The following CFAP299 variants were observed in gnomAD, a reference collection of about 807,000 sequenced individuals.
CFAP299 encodes the protein cilia and flagella associated protein 299, also known as cilia- and flagella-associated protein 299.
In CFAP299, 21 loss-of-function variants were observed where a neutral mutation model predicts 27.0. The observed-to-expected ratio is 0.78, with a 90% CI of 0.55 to 1.12. The LOEUF (loss-of-function observed/expected upper bound fraction) is 1.12. Among genes scored for constraint, CFAP299 ranks in the 50% most tolerant of loss-of-function variants. The pLI is 0.00. For missense variants in CFAP299, 310 were observed against 276.6 expected, an observed-to-expected ratio of 1.12 and a Z score of -0.86; for synonymous variants, 104 against 98.1, an observed-to-expected ratio of 1.06 and a Z score of -0.36.
chr4:80,335,724 C>T (rs370354820), upstream of CFAP299: 7 of 1,168,612 alleles, frequency 6.0e-6, no homozygotes, highest in African/African-American at 6.0e-5. Flanking sequence ...CTGACCCTGC[C>T]CTCCTGCTTC....
chr4:80,526,112 A>G (rs1733161643), intron 2 of CFAP299, among the ~76,000 whole-genome samples: 1 of 152,156 alleles, frequency 6.6e-6, no homozygotes, highest in Non-Finnish European at 1.5e-5. Flanking sequence ...TTTAGCAGTT[A>G]TGTACCTCAC....
At chr4:80,510,563 T>G (rs1016230934) in intron 2 of CFAP299, among the ~76,000 whole-genome samples, 2 of 152,170 alleles carry the variant, frequency 1.3e-5, no homozygotes, top group African/African-American at 4.8e-5. Context: ...CAACACTGAC[T>G]GCTTTTCCAC....
intron 2 of CFAP299, among the ~76,000 whole-genome samples, chr4:80,409,280 C>T (rs1040125406): frequency 2.0e-4 from 31 of 151,858 alleles, no homozygotes; most frequent in African/African-American, 6.3e-4. Flanking sequence ...AGAAATGTAT[C>T]GCTAAATAAA....
chr4:80,912,851 G>C (rs1458613825), intron 4 of CFAP299, among the ~76,000 whole-genome samples: 1 of 152,164 alleles, frequency 6.6e-6, no homozygotes, highest in Non-Finnish European at 1.5e-5. Context: ...GAAGAACCCA[G>C]AGGCCTGAGT....
At chr4:80,720,158 G>A (rs538942304) in intron 3 of CFAP299, among the ~76,000 whole-genome samples, 62 of 152,124 alleles carry the variant, frequency 4.1e-4, no homozygotes, top group African/African-American at 1.3e-3. Flanking sequence ...AAGAGTGAAC[G>A]TCACAGACAA....
At chr4:80,885,699 T>A (rs762656751) in intron 4 of CFAP299, among the ~76,000 whole-genome samples, 1 of 152,156 alleles carries the variant, frequency 6.6e-6, no homozygotes, top group Non-Finnish European at 1.5e-5. Context: ...GTCCTTGGGC[T>A]GTGAATAACC....
intron 5 of CFAP299, among the ~76,000 whole-genome samples, chr4:80,952,350 T>C (rs1333211827): frequency 2.6e-5 from 4 of 152,144 alleles, no homozygotes; most frequent in Non-Finnish European, 5.9e-5. Flanking sequence ...ACTGAAAACA[T>C]ATGTAGAGCT....
chr4:80,533,725 C>T (rs757367748), intron 2 of CFAP299, among the ~76,000 whole-genome samples: 2 of 152,112 alleles, frequency 1.3e-5, no homozygotes, highest in Non-Finnish European at 2.9e-5. Flanking sequence ...ATCAATTTTA[C>T]ATCACTTAGT....
chr4:80,730,003 T>C (rs1485624228), intron 3 of CFAP299, among the ~76,000 whole-genome samples: 1 of 151,954 alleles, frequency 6.6e-6, no homozygotes, highest in East Asian at 1.9e-4. Context: ...AATTTAGAGG[T>C]GTCTCTCTAA....
In CFAP299 at chr4:80,842,373, A is replaced by G. The variant is rs575234551; in HGVS notation, c.334-27620A>G. 1.2e-3 allele frequency among the ~76,000 whole-genome samples: 182 copies of G among 152,234 alleles called. 1 individual carries two copies. Among genetic ancestry groups the G allele is most frequent in the African/African-American group, 4.0e-3 (168 of 41,550 alleles). ...TCAGAGTAGGAGAATGGCACTAGAG[A>G]ACAATAGTGAAGACAACAGACTTAG... is the stretch of plus-strand genomic sequence containing the variant. On this transcript the variant is annotated intron_variant, in intron 3 of 5. Transcript: ENST00000358105.
At chr4:80,349,925 A>G (rs1210942305) in intron 1 of CFAP299, among the ~76,000 whole-genome samples, 1 of 152,220 alleles carries the variant, frequency 6.6e-6, no homozygotes, top group African/African-American at 2.4e-5. Context: ...AAGAGTCAGA[A>G]TATAATTACA....
chr4:80,928,241 ACCACAGGCACAG>A (rs1736399792), intron 4 of CFAP299, among the ~76,000 whole-genome samples: 2 of 152,040 alleles, frequency 1.3e-5, no homozygotes. Flanking sequence ...GAGCCATTTC[ACCACAGGCACAG>A]CCACAGTGTC....
At chr4:80,671,363 A>G (rs1345719440) in intron 3 of CFAP299, among the ~76,000 whole-genome samples, 4 of 152,144 alleles carry the variant, frequency 2.6e-5, no homozygotes, top group Non-Finnish European at 5.9e-5. Context: ...CTGTTTTGGT[A>G]CCAGTACCAT....
In CFAP299 at chr4:80,408,221, C is replaced by T. The variant is rs1008582040; in HGVS notation, c.242+45337C>T. On this transcript the variant is annotated intron_variant, in intron 2 of 5. Coordinates refer to ENST00000358105, the MANE Select transcript of CFAP299 (RefSeq NM_152770.3). ...AACCTTACTTCCAAAGTAGCTAAAC[C>T]AATTTCCCCACCTAACATCAATTAA... Among the ~76,000 whole-genome samples the T allele has an allele frequency of 3.3e-5, 5 of 152,198 alleles. No individual in the cohort carries two copies. In the South Asian group the frequency reaches 8.3e-4, roughly 25 times the overall value.
rs142373145 is a variant in CFAP299 at position 80,634,871 on chromosome 4, A to G, written c.333+51688A>G. Among the ~76,000 whole-genome samples the G allele has an allele frequency of 1.1e-3, 165 of 152,268 alleles. 2 individuals are homozygous for G. The South Asian group carries it at 0.02, about 19-fold the overall frequency. ...TGGTTGGCAGAGTACCATTTAGTGA[A>G]TGCCAACCAAACTAGAATTTGCTAA... On this transcript the variant is annotated intron_variant, in intron 3 of 5. Transcript: ENST00000358105.
At chr4:80,346,511 G>A (rs1722734772) in intron 1 of CFAP299, among the ~76,000 whole-genome samples, 1 of 152,146 alleles carries the variant, frequency 6.6e-6, no homozygotes, top group Non-Finnish European at 1.5e-5. Flanking sequence ...AGTTTTCCCA[G>A]CACCATTTAT....
chr4:80,499,861 C>G (rs1222385164), intron 2 of CFAP299, among the ~76,000 whole-genome samples: 2 of 152,028 alleles, frequency 1.3e-5, no homozygotes, highest in African/African-American at 4.8e-5. Context: ...CTTATATGTC[C>G]TCACTAAACC....
At chr4:80,800,373 T>G (rs1333425584) in intron 3 of CFAP299, among the ~76,000 whole-genome samples, 2 of 67,534 alleles carry the variant, frequency 3.0e-5, no homozygotes, top group Admixed American at 2.8e-4. Flanking sequence ...TAATATAATA[T>G]ATATAATATA....
At chr4:80,657,610 A>G (rs956633917) in intron 3 of CFAP299, among the ~76,000 whole-genome samples, 1 of 152,142 alleles carries the variant, frequency 6.6e-6, no homozygotes, top group Non-Finnish European at 1.5e-5. Flanking sequence ...TACCAGTACC[A>G]TGCTGTTTTG....
Sources: gnomAD v4.1 joint callset for allele counts (sites outside exome capture counted in the v4.1 genomes callset) on GRCh38, gnomAD v4.1.1 for gene constraint, MANE v1.5 for transcripts, NCBI Gene and HGNC (gene_info 2026-07-23, HGNC 2026-07-21) for gene names.